The following SNRPN variants were observed in gnomAD, a reference collection of about 807,000 sequenced individuals.
SNRPN encodes the protein small nuclear ribonucleoprotein polypeptide N, also known as small nuclear ribonucleoprotein-associated protein N.
SNRPN carries 7 observed loss-of-function variants against 25.2 expected under a neutral mutation model. That is an observed-to-expected ratio of 0.28 (90% CI 0.16 to 0.52). The LOEUF is 0.52. Ranked by LOEUF, SNRPN falls within the 20% of genes least tolerant of loss-of-function variation. The pLI is 0.96. For synonymous variants in SNRPN, 124 were observed against 110.6 expected, an observed-to-expected ratio of 1.12 and a Z score of -0.76; for missense variants, 196 against 322.5, an observed-to-expected ratio of 0.61 and a Z score of 3.00.
At chr15:24,838,415 A>T (rs995652798) in intron 2 of SNRPN, among the ~76,000 whole-genome samples, 2 of 152,122 alleles carry the variant, frequency 1.3e-5, no homozygotes, top group Non-Finnish European at 2.9e-5. Context: ...AGTTTCAACA[A>T]ATACATACTG....
At chr15:24,834,696 A>G (rs1311166040) in intron 2 of SNRPN, among the ~76,000 whole-genome samples, 1 of 128,898 alleles carries the variant, frequency 7.8e-6, no homozygotes, top group African/African-American at 2.8e-5. Context: ...ACTCCAATCT[A>G]GCTACTGAGT....
intron 1 of SNRPN, among the ~76,000 whole-genome samples, chr15:24,862,938 A>G (rs948028169): frequency 1.3e-5 from 2 of 150,952 alleles, no homozygotes; most frequent in African/African-American, 2.5e-5. Context: ...CAGGAAGGAC[A>G]GACCATAAAG....
intron 2 of SNRPN, among the ~76,000 whole-genome samples, chr15:24,844,144 GTGTGTGTT>G (rs908598386): frequency 6.6e-6 from 1 of 151,872 alleles, no homozygotes; most frequent in Non-Finnish European, 1.5e-5. Flanking sequence ...GTGTGTGTGT[GTGTGTGTT>G]TGTGTGTGCG....
intron 2 of SNRPN, among the ~76,000 whole-genome samples, chr15:24,910,146 A>G (rs1190197095): frequency 1.3e-5 from 2 of 152,158 alleles, no homozygotes; most frequent in Admixed American, 6.5e-5. Flanking sequence ...CCCTGCCACA[A>G]ACTTGGTGGA....
At chr15:24,976,758 C>T (rs1566977200) in intron 6 of SNRPN, 119 bp from the exon 7 acceptor site, 3 of 874,052 alleles carry the variant, frequency 3.4e-6, no homozygotes, top group Non-Finnish European at 5.5e-6. Context: ...CATTTGGACA[C>T]AGAACTAATA....
intron 1 of SNRPN, among the ~76,000 whole-genome samples, chr15:24,862,023 T>A (rs528374232): frequency 2.6e-5 from 4 of 151,128 alleles, no homozygotes; most frequent in African/African-American, 9.9e-5. Flanking sequence ...ACCATTCCTG[T>A]TCACACCTGT....
intron 2 of SNRPN, among the ~76,000 whole-genome samples, chr15:24,906,250 C>T (rs113284612): frequency 1.7e-3 from 265 of 152,220 alleles, no homozygotes; most frequent in Middle Eastern, 0.01. Context: ...CTCAGCCTCC[C>T]GAGTAGCTGG....
chr15:24,894,066 G>C (rs1479919312), intron 2 of SNRPN, among the ~76,000 whole-genome samples: 2 of 152,140 alleles, frequency 1.3e-5, no homozygotes, highest in Non-Finnish European at 2.9e-5. Context: ...CTCCCCCTGA[G>C]AGCTGGCAAT....
In SNRPN at chr15:24,977,798, A is replaced by C; in HGVS notation, c.441A>C (p.Arg147Ser). Residue 147 changes from arginine (R) to serine (S), a missense_variant, in exon 8 of 10, where the codon AGA becomes AGC. Coordinates refer to ENST00000390687, the MANE Select transcript of SNRPN (RefSeq NM_003097.6). ...PSQQVMTPQG[R>S]GTVAAAAVAA... ...CTCAGGTAATGACTCCACAGGGAAG[A>C]GGCACTGTAGCAGCTGCTGCTGTTG... 1.2e-6 allele frequency: 2 copies of C among 1,612,520 alleles called. No individual in the cohort carries two copies. The highest frequency in any genetic ancestry group is 1.7e-6 in the Non-Finnish European group (2 of 1,179,164).
chr15:24,902,509 TG>T (rs1219487538), intron 2 of SNRPN, among the ~76,000 whole-genome samples: 1 of 152,154 alleles, frequency 6.6e-6, no homozygotes, highest in Non-Finnish European at 1.5e-5. Context: ...TTCCTTCCAG[TG>T]GGTTCTTGGT....
chr15:24,890,931 G>A (rs1337351488), intron 2 of SNRPN, among the ~76,000 whole-genome samples: 1 of 151,562 alleles, frequency 6.6e-6, no homozygotes. Flanking sequence ...TTATTTTTTT[G>A]ATAGAGTCTC....
intron 1 of SNRPN, among the ~76,000 whole-genome samples, chr15:24,882,944 C>A (rs2056863268): frequency 6.6e-6 from 1 of 151,930 alleles, no homozygotes. Context: ...TTACATTAGC[C>A]TACATTTGGG....
intron 2 of SNRPN, among the ~76,000 whole-genome samples, chr15:24,846,994 T>C (rs2052262862): frequency 6.6e-6 from 1 of 152,094 alleles, no homozygotes; most frequent in Non-Finnish European, 1.5e-5. Context: ...CAACATAAAC[T>C]CTGGGAAAAG....
At chr15:24,888,917 T>C (rs1477766591) in intron 2 of SNRPN, among the ~76,000 whole-genome samples, 1 of 152,154 alleles carries the variant, frequency 6.6e-6, no homozygotes, top group Non-Finnish European at 1.5e-5. Context: ...AAGTTTCTTT[T>C]CTTTTTTTAT....
At chr15:24,872,329 G>A (rs2055229149) in intron 1 of SNRPN, among the ~76,000 whole-genome samples, 1 of 118,842 alleles carries the variant, frequency 8.4e-6, no homozygotes, top group South Asian at 3.1e-4. Context: ...CACCACACTA[G>A]GCTAATTTTG....
chr15:24,903,018 T>C (rs909373851), intron 2 of SNRPN, among the ~76,000 whole-genome samples: 2 of 152,194 alleles, frequency 1.3e-5, no homozygotes, highest in South Asian at 2.1e-4. Context: ...AGAGTGCTGA[T>C]TGGTGCGTTT....
chr15:24,951,445 A>G (rs1373398667), upstream of SNRPN, among the ~76,000 whole-genome samples: 1 of 151,878 alleles, frequency 6.6e-6, no homozygotes, highest in Non-Finnish European at 1.5e-5. Flanking sequence ...ATTGGTATTT[A>G]AGAACTATTT....
intron 2 of SNRPN, among the ~76,000 whole-genome samples, chr15:24,834,751 C>CTCTCTCTATATATATATATATATGTA: frequency 1.5e-4 from 9 of 60,956 alleles, no homozygotes; most frequent in African/African-American, 5.3e-4. Flanking sequence ...CTCTCTCTCT[C>CTCTCTCTATATATATATATATATGTA]TATATATATA....
At chr15:24,930,595 A>AAAAG (rs2060765418) in intron 3 of SNRPN, among the ~76,000 whole-genome samples, 1 of 149,950 alleles carries the variant, frequency 6.7e-6, no homozygotes. Flanking sequence ...AAATACAAAA[A>AAAAG]AAAAAAAAAA....
Sources: gnomAD v4.1 joint callset for allele counts (sites outside exome capture counted in the v4.1 genomes callset) on GRCh38, gnomAD v4.1.1 for gene constraint, MANE v1.5 for transcripts, NCBI Gene and HGNC (gene_info 2026-07-23, HGNC 2026-07-21) for gene names.